STAG1: variants seen among roughly 807,000 people sequenced by gnomAD.
The protein encoded by STAG1 is cohesin subunit SA-1.
Under a neutral mutation model 170.9 loss-of-function variants are expected in STAG1, and 26 were observed. The observed-to-expected ratio is 0.15, with a 90% CI of 0.11 to 0.21. The LOEUF (loss-of-function observed/expected upper bound fraction) is 0.21, where lower values mean the gene tolerates loss of function less well. Among genes scored for constraint, STAG1 ranks in the 10% least tolerant of loss-of-function variants. STAG1 has a pLI of 1.00. For missense variants in STAG1, 964 were observed against 1,509.5 expected (o/e 0.64, Z 5.99); for synonymous variants, 514 against 497.7 (o/e 1.03, Z -0.44).
At chr3:136,461,221 A>G (rs867244049) in intron 13 of STAG1, among the ~76,000 whole-genome samples, 1 of 152,312 alleles carries the variant, frequency 6.6e-6, no homozygotes, top group South Asian at 2.1e-4. Flanking sequence ...CCACAGCTAC[A>G]ATTACATTAA....
chr3:136,721,868 G>C (rs931331274), intron 1 of STAG1, among the ~76,000 whole-genome samples: 1 of 151,076 alleles, frequency 6.6e-6, no homozygotes, highest in African/African-American at 2.4e-5. Flanking sequence ...AGCTTGCAGT[G>C]AGTGCCACTG....
intron 1 of STAG1, among the ~76,000 whole-genome samples, chr3:136,697,006 T>A (rs920999947): frequency 2.0e-5 from 3 of 152,210 alleles, no homozygotes; most frequent in South Asian, 2.1e-4. Flanking sequence ...AATTTTACCG[T>A]ATGTAAATTA....
chr3:136,672,929 GAAGA>G (rs1942022279), intron 1 of STAG1, among the ~76,000 whole-genome samples: 1 of 152,166 alleles, frequency 6.6e-6, no homozygotes, highest in Non-Finnish European at 1.5e-5. Context: ...CACTAAAGCA[GAAGA>G]AAGAAAATGA....
intron 7 of STAG1, among the ~76,000 whole-genome samples, chr3:136,508,657 A>C (rs1455332768): frequency 4.6e-5 from 7 of 152,238 alleles, no homozygotes; most frequent in Admixed American, 4.6e-4. Context: ...ACTGCACTTC[A>C]GCCTGGGTGA....
chr3:136,377,814 G>C (rs1242679074), intron 22 of STAG1, 62 bp from the exon 23 acceptor site: 1 of 1,384,490 alleles, frequency 7.2e-7, no homozygotes, highest in Non-Finnish European at 1.0e-6. Flanking sequence ...TGATCTAGAA[G>C]AAACAGTAAG....
At chr3:136,360,757 C>T (rs1231369215) in intron 26 of STAG1, among the ~76,000 whole-genome samples, 2 of 152,080 alleles carry the variant, frequency 1.3e-5, no homozygotes, top group East Asian at 1.9e-4. Context: ...CAAGCTCCAC[C>T]TCCTGGGTTC....
At chr3:136,361,610 A>C (rs769455421) in intron 26 of STAG1, among the ~76,000 whole-genome samples, 2 of 152,052 alleles carry the variant, frequency 1.3e-5, no homozygotes, top group Non-Finnish European at 2.9e-5. Flanking sequence ...TATTTCATTA[A>C]TAATAATTAT....
At chr3:136,433,349 G>A (rs1464349368) in intron 16 of STAG1, among the ~76,000 whole-genome samples, 1 of 151,986 alleles carries the variant, frequency 6.6e-6, no homozygotes, top group Non-Finnish European at 1.5e-5. Context: ...ACAGAAGCAG[G>A]TACAGGTGCT....
At chr3:136,495,338 A>G (rs1933021132) in intron 9 of STAG1, among the ~76,000 whole-genome samples, 1 of 152,224 alleles carries the variant, frequency 6.6e-6, no homozygotes. Flanking sequence ...AAGAGACAAA[A>G]TGATTAAACT....
At chr3:136,607,184 T>C (rs2107811370) in intron 3 of STAG1, among the ~76,000 whole-genome samples, 1 of 152,266 alleles carries the variant, frequency 6.6e-6, no homozygotes, top group South Asian at 2.1e-4. Context: ...TTCTTACTCT[T>C]TCCATAGTGT....
chr3:136,474,514 G>C (rs769685815), intron 10 of STAG1, among the ~76,000 whole-genome samples: 16 of 152,148 alleles, frequency 1.1e-4, no homozygotes, highest in Admixed American at 5.9e-4. Flanking sequence ...ATAGGGTTCT[G>C]ATTTGTTCTC....
intron 7 of STAG1, among the ~76,000 whole-genome samples, chr3:136,516,662 A>T (rs1934395064): frequency 6.6e-6 from 1 of 152,198 alleles, no homozygotes; most frequent in Non-Finnish European, 1.5e-5. Flanking sequence ...CAAATCAATA[A>T]ATTCTGAGTA....
chr3:136,419,901 T>C (rs2107725787), intron 20 of STAG1, among the ~76,000 whole-genome samples: 1 of 152,272 alleles, frequency 6.6e-6, no homozygotes, highest in South Asian at 2.1e-4. Context: ...TATATATTCA[T>C]TACATTAAGT....
chr3:136,500,352 C>T lies in STAG1; in HGVS notation c.829-56G>A, dbSNP rs942460074. 4 of 1,209,108 alleles carry T rather than the reference C, an allele frequency of 3.3e-6. No individual in the cohort carries two copies. The Admixed American group carries it at 9.0e-5, about 27-fold the overall frequency. The allele number at this position is 1,209,108 out of a possible 1,614,324, so 74.9% of individuals were successfully genotyped here. A position where few individuals can be genotyped will look rare whatever the true frequency, so the allele number is the denominator to read the frequency against. On this transcript the variant is annotated intron_variant, in intron 8 of 33. Coordinates refer to ENST00000383202, the MANE Select transcript of STAG1 (RefSeq NM_005862.3). ...TCCTGATCATTTTATTTGGAAGGAA[C>T]AGCTCCAATTGTTTTTAATTCCTGG...
At chr3:136,459,234 A>C (rs1292189594) in intron 13 of STAG1, among the ~76,000 whole-genome samples, 2 of 151,378 alleles carry the variant, frequency 1.3e-5, no homozygotes, top group African/African-American at 4.8e-5. Flanking sequence ...AAAAAAAAAA[A>C]AAGAAAAGAA....
chr3:136,574,245 A>C (rs73228037), intron 4 of STAG1, among the ~76,000 whole-genome samples: 10,664 of 147,786 alleles, frequency 0.072, 424 homozygotes, highest in Non-Finnish European at 0.096. Context: ...CTGTCCCCCC[A>C]AAAAAAAAAC....
intron 14 of STAG1, among the ~76,000 whole-genome samples, chr3:136,443,885 C>T (rs1175027113): frequency 6.6e-6 from 1 of 152,198 alleles, no homozygotes; most frequent in Non-Finnish European, 1.5e-5. Context: ...CATCTCTCCA[C>T]TATTCTACTC....
intron 22 of STAG1, among the ~76,000 whole-genome samples, chr3:136,380,625 G>C (rs1937902568): frequency 6.6e-6 from 1 of 152,128 alleles, no homozygotes. Flanking sequence ...AGAACTGATA[G>C]AATTTAGGGA....
rs1935772898 is a variant in STAG1 at position 136,338,078 on chromosome 3, C to CT, written c.*175dup. On this transcript the variant is annotated 3_prime_UTR_variant, in exon 34 of 34. Coordinates refer to ENST00000383202, the MANE Select transcript of STAG1 (RefSeq NM_005862.3). ...CTGAGTTGACATTCACCAACATTCC[C>CT]TTGGGTAATTTACATGCTCCTCTTC... is the stretch of plus-strand genomic sequence containing the variant. 1.7e-6 allele frequency: 1 copy of CT among 573,598 alleles called. No homozygotes were observed. The highest frequency in any genetic ancestry group is 3.1e-6 in the Non-Finnish European group (1 of 319,824). 35.5% of individuals were successfully genotyped at this position (573,598 alleles called of 1,614,324 possible). A position where few individuals can be genotyped will look rare whatever the true frequency, so the allele number is the denominator to read the frequency against.
Sources: allele counts gnomAD v4.1 joint callset (sites outside exome capture counted in the v4.1 genomes callset), GRCh38; gene constraint gnomAD v4.1.1; transcripts MANE v1.5; gene names NCBI Gene and HGNC (gene_info 2026-07-23, HGNC 2026-07-21).